GABRA1: variants seen among roughly 807,000 people sequenced by gnomAD.
GABRA1 encodes gamma-aminobutyric acid receptor subunit alpha-1.
In GABRA1, 9 loss-of-function variants were observed where a neutral mutation model predicts 48.9. The observed-to-expected ratio is 0.18, with a 90% CI of 0.11 to 0.32. The LOEUF is 0.32. Among genes scored for constraint, GABRA1 ranks in the 10% least tolerant of loss-of-function variants. GABRA1 has a pLI of 1.00. For missense variants in GABRA1, 285 were observed against 553.8 expected (o/e 0.51, Z 4.87); for synonymous variants, 210 against 198.7 (o/e 1.06, Z -0.48).
chr5:161,891,292 G>A (rs1289212107), intron 8 of GABRA1, among the ~76,000 whole-genome samples: 1 of 151,742 alleles, frequency 6.6e-6, no homozygotes, highest in Non-Finnish European at 1.5e-5. Context: ...GATATTTTGA[G>A]GTAAAAATGA....
At position 161,899,609 on chromosome 5, in the gene GABRA1, G is replaced by A. The variant is rs552647468; in HGVS notation, c.*2187G>A. On this transcript the variant is annotated 3_prime_UTR_variant, in exon 10 of 10. Coordinates refer to ENST00000393943, the MANE Select transcript of GABRA1 (RefSeq NM_001127644.2). ...CTCAGTTTGTTAGTATATGTGGATA[G>A]TATTCTACTGTATAAATGATTGCAA... is the stretch of plus-strand genomic sequence containing the variant. The A allele has an allele frequency of 1.3e-5, 2 of 152,264 alleles. No individual in the cohort carries two copies. The highest frequency in any genetic ancestry group is 1.9e-4 in the East Asian group (1 of 5,182). 9.4% of individuals were successfully genotyped at this position (152,264 alleles called of 1,614,324 possible).
At chr5:161,858,603 G>A (rs556238211) in intron 3 of GABRA1, among the ~76,000 whole-genome samples, 42 of 151,724 alleles carry the variant, frequency 2.8e-4, no homozygotes, top group African/African-American at 9.9e-4. Flanking sequence ...CTGTACATAT[G>A]CTCATTTCCA....
intron 4 of GABRA1, among the ~76,000 whole-genome samples, chr5:161,870,555 T>A (rs1406323688): frequency 3.4e-4 from 30 of 88,738 alleles, no homozygotes; most frequent in South Asian, 9.3e-4. Context: ...CAACAAAGAG[T>A]GAAACTCCTT....
intron 7 of GABRA1, among the ~76,000 whole-genome samples, chr5:161,887,269 G>A (rs1341111014): frequency 6.6e-6 from 1 of 152,126 alleles, no homozygotes; most frequent in African/African-American, 2.4e-5. Context: ...CTCTGCATGA[G>A]TTGATGTAAT....
intron 4 of GABRA1, among the ~76,000 whole-genome samples, chr5:161,868,921 G>T (rs1254010399): frequency 2.0e-5 from 3 of 152,038 alleles, no homozygotes; most frequent in Non-Finnish European, 4.4e-5. Context: ...AAGGAACAGC[G>T]TGTCCAACCA....
upstream of GABRA1, chr5:161,847,483 G>A (rs1757258866): frequency 6.6e-6 from 1 of 152,312 alleles, no homozygotes; most frequent in African/African-American, 2.4e-5. Context: ...ACCCGGTTCC[G>A]GAGGGTATTC....
intron 4 of GABRA1, 126 bp from the exon 5 acceptor site, chr5:161,872,991 T>C: frequency 1.3e-6 from 1 of 766,530 alleles, no homozygotes; most frequent in Non-Finnish European, 2.4e-6. Context: ...CACGTTTACT[T>C]CTAAAAACAT....
rs199819387 is a variant in GABRA1 at position 161,850,878 on chromosome 5, G to C, written c.68G>C (p.Gly23Ala). The C allele has an allele frequency of 1.9e-6, 3 of 1,613,396 alleles. No homozygotes were observed. The highest frequency in any genetic ancestry group is 2.7e-5 in the African/African-American group (2 of 75,010). Residue 23 changes from glycine to alanine, a missense_variant, in exon 2 of 10, where the codon GGA (glycine) becomes GCA (alanine). By Grantham distance (60) the Gly-to-Ala change is moderately conservative. This residue lies in a region of GABRA1 where 45 missense variants were observed against 39.9 expected (regional missense o/e 1.13). Transcript: ENST00000393943. ...ATCCTCCTTCTGAGCACACTGACTG[G>C]AAGAAGGTGGGGACACTTTTTTAAA... ...AWILLLSTLTGRSYGQPSLQD... is the reference protein window; with the variant it reads ...AWILLLSTLTARSYGQPSLQD...
intron 7 of GABRA1, among the ~76,000 whole-genome samples, chr5:161,885,589 C>A (rs969002095): frequency 6.6e-6 from 1 of 152,150 alleles, no homozygotes; most frequent in African/African-American, 2.4e-5. Context: ...CTTTCTAAAT[C>A]ACTTCATTAA....
chr5:161,874,345 A>G (rs890006761), intron 5 of GABRA1, among the ~76,000 whole-genome samples: 1 of 152,172 alleles, frequency 6.6e-6, no homozygotes, highest in African/African-American at 2.4e-5. Context: ...TAGGACTTAA[A>G]AAAATCTAAA....
At chr5:161,870,476 G>A (rs901825873) in intron 4 of GABRA1, among the ~76,000 whole-genome samples, 2 of 151,548 alleles carry the variant, frequency 1.3e-5, no homozygotes, top group African/African-American at 4.8e-5. Context: ...ACTGAGCCAG[G>A]AGAATAGCTT....
At chr5:161,886,348 GTT>G (rs11352367) in intron 7 of GABRA1, among the ~76,000 whole-genome samples, 3,334 of 147,226 alleles carry the variant, frequency 0.023, 133 homozygotes, top group East Asian at 0.21. Flanking sequence ...AATTTTTATG[GTT>G]TTTTTTTTTT....
At chr5:161,864,834 A>C (rs1757991148) in intron 3 of GABRA1, among the ~76,000 whole-genome samples, 1 of 149,314 alleles carries the variant, frequency 6.7e-6, no homozygotes, top group South Asian at 2.1e-4. Flanking sequence ...AAATAAAATA[A>C]AATAAAATAA....
chr5:161,881,611 CAGTG>C (rs1754616759), intron 6 of GABRA1: 1 of 152,062 alleles, frequency 6.6e-6, no homozygotes, highest in Admixed American at 6.6e-5. Flanking sequence ...GCAAAATTTC[CAGTG>C]ATTTTTACAT....
intron 3 of GABRA1, among the ~76,000 whole-genome samples, chr5:161,863,433 G>T (rs1757934987): frequency 6.6e-6 from 1 of 151,930 alleles, no homozygotes; most frequent in South Asian, 2.1e-4. Flanking sequence ...GGGAGCAGAT[G>T]TATCACATGG....
At position 161,865,806 on chromosome 5, in the gene GABRA1, C is replaced by A. The variant is rs747089114; in HGVS notation, c.255+18C>A. 2 of 1,600,088 alleles carry A rather than the reference C, an allele frequency of 1.2e-6. No homozygotes were observed. Among genetic ancestry groups the A allele is most frequent in the South Asian group, 2.2e-5 (2 of 90,782 alleles). ...ATGATATGGTAAGTGGACACTTTATCTTTGCTTTTCTTGAAGAATTTTTAA... is the reference window on the plus strand; with the variant it reads ...ATGATATGGTAAGTGGACACTTTATATTTGCTTTTCTTGAAGAATTTTTAA... On this transcript the variant is annotated intron_variant, in intron 4 of 9. Coordinates refer to ENST00000393943, the MANE Select transcript of GABRA1 (RefSeq NM_001127644.2).
In GABRA1 at chr5:161,848,411, AGG is replaced by A. The variant is rs1239008744; in HGVS notation, c.-23_-22del. The A allele has an allele frequency of 6.6e-6, 1 of 150,826 alleles. No individual in the cohort carries two copies. The highest frequency in any genetic ancestry group is 1.5e-5 in the Non-Finnish European group (1 of 68,464). 9.3% of individuals were successfully genotyped at this position (150,826 alleles called of 1,614,324 possible). On this transcript the variant is annotated 5_prime_UTR_variant, in exon 1 of 10. Coordinates refer to ENST00000393943, the MANE Select transcript of GABRA1 (RefSeq NM_001127644.2). ...CGGTCTTAAGAGATCCTGTGTCCAGAGGGGGCCTTAGGTAAGTGCGACTTTGG... is the reference window on the plus strand; with the variant it reads ...CGGTCTTAAGAGATCCTGTGTCCAGAGGGCCTTAGGTAAGTGCGACTTTGG...
chr5:161,879,087 A>G (rs1376180363), intron 6 of GABRA1, among the ~76,000 whole-genome samples: 3 of 152,046 alleles, frequency 2.0e-5, no homozygotes, highest in Non-Finnish European at 2.9e-5. Context: ...ACACCAACCA[A>G]AACCTTCTTG....
Position 161,854,169 on chromosome 5 carries a change from C to T in GABRA1, c.86C>T (p.Pro29Leu), listed in dbSNP as rs200218956. The change falls in exon 3 of 10, where the codon CCG becomes CTG. Residue 29 changes from proline to leucine, a missense_variant. By Grantham distance (98) the Pro-to-Leu change is moderately conservative. This residue lies in a region of GABRA1 where 45 missense variants were observed against 39.9 expected (regional missense o/e 1.13). Coordinates refer to ENST00000393943, the MANE Select transcript of GABRA1 (RefSeq NM_001127644.2). ...ATGTTTTTTTTCAGCTATGGACAGC[C>T]GTCATTACAAGATGAACTTAAAGAC... ...STLTGRSYGQ[P>L]SLQDELKDNT... The T allele has an allele frequency of 6.4e-5, 102 of 1,585,048 alleles. No individual in the cohort carries two copies. The highest frequency in any genetic ancestry group is 7.6e-5 in the Non-Finnish European group (88 of 1,154,864).
Sources: gnomAD v4.1 joint callset for allele counts (sites outside exome capture counted in the v4.1 genomes callset) on GRCh38, gnomAD v4.1.1 for gene constraint, gnomAD v4.1.1 regional missense constraint, MANE v1.5 for transcripts, NCBI Gene and HGNC (gene_info 2026-07-23, HGNC 2026-07-21) for gene names.